Variants in ARHGAP26 observed in about 807,000 individuals in gnomAD.
ARHGAP26 encodes Rho GTPase activating protein 26.
Under a neutral mutation model 104.8 loss-of-function variants are expected in ARHGAP26, and 38 were observed. That is an observed-to-expected ratio of 0.36 (90% confidence interval 0.28 to 0.48). The LOEUF (loss-of-function observed/expected upper bound fraction) is 0.48. Ranked by LOEUF, ARHGAP26 falls within the 20% of genes least tolerant of loss-of-function variation. The pLI is 0.99. For synonymous variants in ARHGAP26, 341 were observed against 340.0 expected (o/e 1.00, Z -0.03); for missense variants, 704 against 947.9 (o/e 0.74, Z 3.38).
chr5:142,793,281 T>C (rs1760263917), intron 1 of ARHGAP26, among the ~76,000 whole-genome samples: 1 of 147,250 alleles, frequency 6.8e-6, no homozygotes, highest in South Asian at 2.2e-4. Flanking sequence ...TTTTAATCTA[T>C]CTTTCTTTAG....
chr5:142,909,060 C>T (rs1761497312), intron 9 of ARHGAP26, among the ~76,000 whole-genome samples: 1 of 151,962 alleles, frequency 6.6e-6, no homozygotes, highest in Non-Finnish European at 1.5e-5. Flanking sequence ...TTTGGTTTTC[C>T]AGGATTTGAG....
At chr5:143,012,561 A>ATATATATATATATATATATATATG (rs1329858755) in intron 11 of ARHGAP26, among the ~76,000 whole-genome samples, 1 of 76,840 alleles carries the variant, frequency 1.3e-5, no homozygotes, top group Non-Finnish European at 3.3e-5. Context: ...ACATATATAT[A>ATATATATATATATATATATATATG]TATATATATA....
chr5:143,102,617 C>G (rs910676190), intron 17 of ARHGAP26, among the ~76,000 whole-genome samples: 2 of 152,244 alleles, frequency 1.3e-5, no homozygotes, highest in African/African-American at 2.4e-5. Flanking sequence ...GTTGCGTCGC[C>G]CATCCGGGCT....
rs73799019 is a variant in ARHGAP26 at position 142,881,195 on chromosome 5, G to T, written c.384+1750G>T. Among the ~76,000 whole-genome samples, 92 of 152,318 alleles carry T rather than the reference G, an allele frequency of 6.0e-4. 1 individual carries two copies. Among genetic ancestry groups the T allele is most frequent in the African/African-American group, 2.0e-3 (84 of 41,558 alleles). On this transcript the variant is annotated intron_variant, in intron 4 of 22. Transcript: ENST00000645722. ...AACATGCTTGGCAGTGGCTTCCGGG[G>T]GTTATGCAGAGCTTGGAGACTGAGG...
At chr5:143,025,943 G>A (rs1780989997) in intron 12 of ARHGAP26, among the ~76,000 whole-genome samples, 1 of 151,166 alleles carries the variant, frequency 6.6e-6, no homozygotes, top group African/African-American at 2.4e-5. Flanking sequence ...TTATTTTTCT[G>A]TGTGTTTGTT....
chr5:142,891,012 CCACTTG>C (rs1459214327), intron 5 of ARHGAP26, among the ~76,000 whole-genome samples: 6 of 152,108 alleles, frequency 3.9e-5, no homozygotes, highest in African/African-American at 1.5e-4. Flanking sequence ...TTTTCCCCCT[CCACTTG>C]CAGTGTCAGT....
intron 12 of ARHGAP26, among the ~76,000 whole-genome samples, chr5:143,019,456 C>T (rs540193799): frequency 1.3e-5 from 2 of 152,220 alleles, no homozygotes; most frequent in Non-Finnish European, 1.5e-5. Flanking sequence ...TTGCTGTTCC[C>T]TACCTTTGGG....
At chr5:142,812,098 C>T (rs145706857) in intron 1 of ARHGAP26, among the ~76,000 whole-genome samples, 2 of 152,096 alleles carry the variant, frequency 1.3e-5, no homozygotes, top group Non-Finnish European at 2.9e-5. Flanking sequence ...CTCCCCACCC[C>T]GTCTACTGCC....
intron 19 of ARHGAP26, among the ~76,000 whole-genome samples, chr5:143,145,511 CT>C (rs1469937494): frequency 6.6e-6 from 1 of 152,194 alleles, no homozygotes; most frequent in East Asian, 1.9e-4. Context: ...CTGATTCATA[CT>C]GATAAATGGC....
chr5:142,907,912 A>G (rs1761325506), intron 9 of ARHGAP26, 108 bp downstream of exon 9: 2 of 653,422 alleles, frequency 3.1e-6, no homozygotes, highest in African/African-American at 1.9e-5. Flanking sequence ...TTTCATCATA[A>G]ATTTAAAATT....
At chr5:142,818,671 A>C (rs752501034) in intron 1 of ARHGAP26, among the ~76,000 whole-genome samples, 2 of 152,186 alleles carry the variant, frequency 1.3e-5, no homozygotes, top group Non-Finnish European at 2.9e-5. Flanking sequence ...TACCACCTTC[A>C]TGGGGCTCTC....
chr5:142,831,270 C>T (rs1768372839), intron 1 of ARHGAP26, among the ~76,000 whole-genome samples: 3 of 152,192 alleles, frequency 2.0e-5, no homozygotes, highest in African/African-American at 7.2e-5. Context: ...GTGCTGAACA[C>T]TCTGTCCATC....
At chr5:142,959,143 G>A (rs1278900784) in intron 11 of ARHGAP26, among the ~76,000 whole-genome samples, 1 of 152,182 alleles carries the variant, frequency 6.6e-6, no homozygotes, top group Non-Finnish European at 1.5e-5. Flanking sequence ...TGAACCCAGA[G>A]CTGCTGGCCC....
intron 18 of ARHGAP26, among the ~76,000 whole-genome samples, chr5:143,127,823 A>G (rs530008932): frequency 6.6e-6 from 1 of 152,164 alleles, no homozygotes; most frequent in Non-Finnish European, 1.5e-5. Context: ...GTCGCATTTT[A>G]TTTCTTTGAT....
chr5:143,177,625 T>A (rs1010633318), intron 20 of ARHGAP26, among the ~76,000 whole-genome samples: 56 of 152,224 alleles, frequency 3.7e-4, no homozygotes, highest in African/African-American at 1.3e-3. Flanking sequence ...CTGTCAGGAA[T>A]AACAATAATA....
At chr5:142,997,802 G>A (rs988649573) in intron 11 of ARHGAP26, among the ~76,000 whole-genome samples, 1 of 151,520 alleles carries the variant, frequency 6.6e-6, no homozygotes, top group Non-Finnish European at 1.5e-5. Flanking sequence ...TGCTAAAGTG[G>A]TCCCCAGATG....
At chr5:143,196,023 G>A (rs1806774731) in intron 20 of ARHGAP26, among the ~76,000 whole-genome samples, 1 of 152,208 alleles carries the variant, frequency 6.6e-6, no homozygotes, top group Admixed American at 6.5e-5. Flanking sequence ...CCCAGGGAAT[G>A]CTACTAATAT....
chr5:143,137,671 A>T (rs555406122), intron 19 of ARHGAP26, among the ~76,000 whole-genome samples: 1 of 152,160 alleles, frequency 6.6e-6, no homozygotes, highest in Admixed American at 6.5e-5. Context: ...TTTTCTCTTC[A>T]TTGATGCACT....
At chr5:143,110,519 A>T (rs1308255556) in intron 17 of ARHGAP26, among the ~76,000 whole-genome samples, 1 of 152,190 alleles carries the variant, frequency 6.6e-6, no homozygotes, top group East Asian at 1.9e-4. Flanking sequence ...AAATGTCAGT[A>T]ACAACAGGAA....
Sources: gnomAD v4.1 joint callset for allele counts (sites outside exome capture counted in the v4.1 genomes callset) on GRCh38, gnomAD v4.1.1 for gene constraint, MANE v1.5 for transcripts, NCBI Gene and HGNC (gene_info 2026-07-23, HGNC 2026-07-21) for gene names.